Variants in FYB1 observed in about 807,000 individuals in gnomAD.
The protein encoded by FYB1 is FYN-binding protein 1.
A neutral mutation model predicts 94.1 loss-of-function variants in FYB1; 41 were observed. That is an observed-to-expected ratio of 0.44 (90% CI 0.34 to 0.57). The LOEUF (loss-of-function observed/expected upper bound fraction) is 0.57. FYB1 is among the 20% of genes least tolerant of loss of function. The pLI, the probability that FYB1 is intolerant of heterozygous loss-of-function variation, is 0.02. For synonymous variants in FYB1, 367 were observed against 353.2 expected (o/e 1.04, Z -0.44); for missense variants, 1,050 against 976.8 (o/e 1.07, Z -1.00).
intron 1 of FYB1, among the ~76,000 whole-genome samples, chr5:39,259,828 AC>A (rs1221831810): frequency 2.0e-5 from 3 of 152,352 alleles, no homozygotes; most frequent in Non-Finnish European, 4.4e-5. Context: ...TATCATTAAA[AC>A]AAAAACTCAA....
At chr5:39,227,327 T>C (rs1579737271) in intron 1 of FYB1, among the ~76,000 whole-genome samples, 1 of 152,338 alleles carries the variant, frequency 6.6e-6, no homozygotes, top group East Asian at 1.9e-4. Flanking sequence ...CAATTAAATG[T>C]TATGAAATTA....
intron 3 of FYB1, 34 bp downstream of exon 3, chr5:39,153,414 T>C (rs935127293): frequency 1.9e-6 from 3 of 1,607,714 alleles, no homozygotes; most frequent in African/African-American, 2.7e-5. Flanking sequence ...GGCAAGAGAC[T>C]AGGAAAGAAA....
At chr5:39,208,365 T>C (rs1440764877) in intron 1 of FYB1, among the ~76,000 whole-genome samples, 2 of 152,234 alleles carry the variant, frequency 1.3e-5, no homozygotes, top group African/African-American at 2.4e-5. Context: ...CATGTAATGC[T>C]TCTAATCATG....
chr5:39,240,338 T>A (rs1488865328), intron 1 of FYB1, among the ~76,000 whole-genome samples: 3 of 152,116 alleles, frequency 2.0e-5, no homozygotes, highest in Non-Finnish European at 4.4e-5. Flanking sequence ...CTAATTAAAC[T>A]AAAGAACTTC....
chr5:39,127,645 A>T, intron 11 of FYB1, 96 bp downstream of exon 11: 1 of 1,339,442 alleles, frequency 7.5e-7, no homozygotes, highest in Middle Eastern at 2.1e-4. Context: ...GTGAGAAAGA[A>T]CACTATTTTC....
At chr5:39,251,777 GGAATGAGGGAC>G (rs1751722038) in intron 1 of FYB1, among the ~76,000 whole-genome samples, 2 of 151,300 alleles carry the variant, frequency 1.3e-5, no homozygotes, top group Admixed American at 6.6e-5. Flanking sequence ...AATGAGGGAA[GGAATGAGGGAC>G]ACTAGTTCTA....
intron 1 of FYB1, among the ~76,000 whole-genome samples, chr5:39,261,979 C>A (rs751433884): frequency 3.9e-5 from 6 of 151,910 alleles, no homozygotes; most frequent in Non-Finnish European, 8.8e-5. Context: ...CCTTGCATCA[C>A]AAATATAAAT....
intron 2 of FYB1, among the ~76,000 whole-genome samples, chr5:39,184,910 A>G (rs1330423449): frequency 6.6e-6 from 1 of 152,172 alleles, no homozygotes; most frequent in African/African-American, 2.4e-5. Context: ...TTTATAATAA[A>G]ATATTAATTC....
chr5:39,242,785 A>G (rs1010726995), intron 1 of FYB1, among the ~76,000 whole-genome samples: 4 of 152,198 alleles, frequency 2.6e-5, no homozygotes, highest in African/African-American at 9.7e-5. Context: ...ATTTCTCCAC[A>G]TCCTCTCCAG....
At chr5:39,146,927 G>A (rs1742705321) in intron 3 of FYB1, among the ~76,000 whole-genome samples, 1 of 152,124 alleles carries the variant, frequency 6.6e-6, no homozygotes, top group Non-Finnish European at 1.5e-5. Flanking sequence ...ATAGGTGCAG[G>A]TGCCATGAGT....
chr5:39,218,739 C>G (rs1023473259), intron 1 of FYB1, among the ~76,000 whole-genome samples: 3 of 152,086 alleles, frequency 2.0e-5, no homozygotes, highest in Non-Finnish European at 4.4e-5. Flanking sequence ...TTAATTACTT[C>G]CCTGCAAATC....
At chr5:39,256,866 T>C (rs529310735) in intron 1 of FYB1, among the ~76,000 whole-genome samples, 8 of 152,296 alleles carry the variant, frequency 5.3e-5, no homozygotes, top group Non-Finnish European at 7.4e-5. Context: ...TGTGATAAAG[T>C]GAATGTAACT....
At chr5:39,230,909 G>A (rs1198053297) in intron 1 of FYB1, among the ~76,000 whole-genome samples, 1 of 150,660 alleles carries the variant, frequency 6.6e-6, no homozygotes, top group Non-Finnish European at 1.5e-5. Context: ...ATATATATTA[G>A]TAGAGTGAAT....
intron 1 of FYB1, among the ~76,000 whole-genome samples, chr5:39,271,183 A>T (rs1029536601): frequency 6.6e-6 from 1 of 152,182 alleles, no homozygotes; most frequent in East Asian, 1.9e-4. Flanking sequence ...TCATATTACC[A>T]GTATTTAAAT....
upstream of FYB1, among the ~76,000 whole-genome samples, chr5:39,220,457 G>C (rs1399254397): frequency 6.7e-6 from 1 of 148,644 alleles, no homozygotes; most frequent in East Asian, 2.0e-4. Flanking sequence ...AAAATAAAGA[G>C]AAGGAAAGAA....
At chr5:39,192,197 C>A (rs1747424429) in intron 2 of FYB1, among the ~76,000 whole-genome samples, 1 of 152,176 alleles carries the variant, frequency 6.6e-6, no homozygotes, top group Non-Finnish European at 1.5e-5. Context: ...TGTGTGTATG[C>A]ACAATCGAAA....
chr5:39,251,666 T>C (rs1032425905), intron 1 of FYB1, among the ~76,000 whole-genome samples: 3 of 151,946 alleles, frequency 2.0e-5, no homozygotes, highest in Non-Finnish European at 4.4e-5. Context: ...AAAAATACAA[T>C]TAGAATCAGA....
At chr5:39,117,414 T>C (rs1291530128) in intron 16 of FYB1, among the ~76,000 whole-genome samples, 2 of 152,218 alleles carry the variant, frequency 1.3e-5, no homozygotes, top group African/African-American at 2.4e-5. Flanking sequence ...ATAGTTCTTT[T>C]AGCACTTATG....
At position 39,202,861 on chromosome 5, in the gene FYB1, C is replaced by T. The variant is rs763372740; in HGVS notation, c.100G>A (p.Ala34Thr). 2.7e-5 allele frequency: 44 copies of T among 1,613,844 alleles called. No homozygotes were observed. Among genetic ancestry groups the T allele is most frequent in the Non-Finnish European group, 3.5e-5 (41 of 1,179,902 alleles). Reference protein sequence around the residue: ...TGPNSSSGIQARKNLFNNQGN... With the variant: ...TGPNSSSGIQTRKNLFNNQGN... ...TGGTTGTTGAATAAGTTCTTTCTTG[C>T]TTGTATTCCTGAAGATGAGTTTGGC... The change falls in exon 2 of 19, where the codon GCA (alanine) becomes ACA (threonine). Residue 34 changes from alanine (A) to threonine (T), a missense_variant. Coordinates refer to ENST00000512982, the MANE Select transcript of FYB1 (RefSeq NM_001465.6).
Sources: gnomAD v4.1 joint callset for allele counts (sites outside exome capture counted in the v4.1 genomes callset) on GRCh38, gnomAD v4.1.1 for gene constraint, MANE v1.5 for transcripts, NCBI Gene and HGNC (gene_info 2026-07-23, HGNC 2026-07-21) for gene names.